Variants in PTPRG observed in about 807,000 individuals in gnomAD.
PTPRG encodes protein tyrosine phosphatase receptor type G.
PTPRG carries 102 observed loss-of-function variants against 165.3 expected under a neutral mutation model. The observed-to-expected ratio is 0.62, with a 90% CI of 0.53 to 0.73. The LOEUF (loss-of-function observed/expected upper bound fraction) is 0.73, where lower values mean the gene tolerates loss of function less well. Among genes scored for constraint, PTPRG ranks in the 30% least tolerant of loss-of-function variants. The pLI, the probability that PTPRG is intolerant of heterozygous loss-of-function variation, is 0.00. For missense variants in PTPRG, 1,866 were observed against 1,861.4 expected, an observed-to-expected ratio of 1.00 and a Z score of -0.05; for synonymous variants, 675 against 669.5, an observed-to-expected ratio of 1.01 and a Z score of -0.13.
chr3:61,969,759 G>A (rs918938151), intron 2 of PTPRG, among the ~76,000 whole-genome samples: 4 of 152,132 alleles, frequency 2.6e-5, no homozygotes, highest in African/African-American at 9.7e-5. Context: ...TGTCCAACCT[G>A]GGGAGCGAAT....
intron 1 of PTPRG, among the ~76,000 whole-genome samples, chr3:61,622,586 T>C (rs775509363): frequency 4.6e-5 from 7 of 152,238 alleles, no homozygotes; most frequent in African/African-American, 1.2e-4. Flanking sequence ...TTTACAAATC[T>C]TGTAAATTAC....
chr3:61,793,314 CTG>C (rs963613269), intron 2 of PTPRG, among the ~76,000 whole-genome samples: 25 of 152,166 alleles, frequency 1.6e-4, no homozygotes, highest in Non-Finnish European at 2.4e-4. Context: ...GGTTTCAAGA[CTG>C]GTTATGTGTC....
At chr3:61,608,651 C>T (rs140010132) in intron 1 of PTPRG, among the ~76,000 whole-genome samples, 12 of 152,278 alleles carry the variant, frequency 7.9e-5, no homozygotes, top group African/African-American at 2.9e-4. Flanking sequence ...TGGAAGCCTG[C>T]CTTTCCTTTG....
chr3:61,937,749 T>C lies in PTPRG; in HGVS notation c.191-51876T>C, dbSNP rs558195195. 7.2e-5 allele frequency among the ~76,000 whole-genome samples: 11 copies of C among 152,284 alleles called. No individual in the cohort carries two copies. The East Asian group carries it at 1.9e-3, about 27-fold the overall frequency. On this transcript the variant is annotated intron_variant, in intron 2 of 29. Coordinates refer to ENST00000474889, the MANE Select transcript of PTPRG (RefSeq NM_002841.4). ...AACAGGTGACGGCAAAAGGAGAACA[T>C]TGTGCTCATCAAACTGCTGTGCCAC...
intron 4 of PTPRG, among the ~76,000 whole-genome samples, chr3:62,074,178 A>AGAGT (rs1368362484): frequency 1.5e-5 from 1 of 64,926 alleles, no homozygotes; most frequent in Admixed American, 2.2e-4. Flanking sequence ...AAAAAAAGTG[A>AGAGT]GAGTGTGTGT....
intron 3 of PTPRG, among the ~76,000 whole-genome samples, chr3:61,998,285 A>G (rs910012204): frequency 2.6e-5 from 4 of 152,142 alleles, no homozygotes; most frequent in African/African-American, 9.7e-5. Context: ...TCTTTACATC[A>G]TGGGGAGCCC....
chr3:61,827,410 C>T (rs2036144962), intron 2 of PTPRG, among the ~76,000 whole-genome samples: 1 of 152,144 alleles, frequency 6.6e-6, no homozygotes, highest in Non-Finnish European at 1.5e-5. Flanking sequence ...TAATCACACC[C>T]CATCATACTA....
chr3:61,728,779 T>A (rs631533), intron 1 of PTPRG, among the ~76,000 whole-genome samples: 150,971 of 151,000 alleles, frequency 1, 75,471 homozygotes, highest in Middle Eastern at 1. Flanking sequence ...GCTCATGCCT[T>A]TAATTCCAAC....
chr3:62,282,916 T>C, intron 28 of PTPRG, 47 bp downstream of exon 28: 1 of 1,540,324 alleles, frequency 6.5e-7, no homozygotes, highest in Non-Finnish European at 8.8e-7. Flanking sequence ...TTTTTTTGTT[T>C]AATTTCTTGT....
intron 26 of PTPRG, among the ~76,000 whole-genome samples, chr3:62,279,220 C>CCTAA (rs1231616181): frequency 6.6e-6 from 1 of 152,014 alleles, no homozygotes; most frequent in Non-Finnish European, 1.5e-5. Flanking sequence ...GTCACTGCTT[C>CCTAA]CTAACTCACA....
At chr3:62,004,622 G>C (rs779656748) in intron 4 of PTPRG, among the ~76,000 whole-genome samples, 2 of 152,168 alleles carry the variant, frequency 1.3e-5, no homozygotes, top group Non-Finnish European at 2.9e-5. Context: ...TGCAGCACCC[G>C]ATTAAAGCCT....
At chr3:61,650,248 A>C (rs1406808021) in intron 1 of PTPRG, among the ~76,000 whole-genome samples, 1 of 152,224 alleles carries the variant, frequency 6.6e-6, no homozygotes, top group African/African-American at 2.4e-5. Context: ...AAGGAAGCCA[A>C]GGGTGGGGGC....
At chr3:61,882,515 T>A (rs557336709) in intron 2 of PTPRG, among the ~76,000 whole-genome samples, 1 of 152,348 alleles carries the variant, frequency 6.6e-6, no homozygotes, top group Admixed American at 6.5e-5. Context: ...GCAGAGTTAG[T>A]ATGAGGTACT....
intron 5 of PTPRG, among the ~76,000 whole-genome samples, chr3:62,119,913 C>T (rs1208161218): frequency 2.7e-5 from 4 of 150,892 alleles, no homozygotes; most frequent in African/African-American, 4.9e-5. Context: ...GAATTACAGG[C>T]GTGAGCCACC....
intron 2 of PTPRG, among the ~76,000 whole-genome samples, chr3:61,806,921 AAC>A (rs1230601682): frequency 1.3e-5 from 2 of 152,190 alleles, no homozygotes; most frequent in African/African-American, 2.4e-5. Flanking sequence ...TACAGGTGGA[AAC>A]ACAGCAGCAC....
chr3:62,073,413 AT>A (rs1701273495), intron 4 of PTPRG, among the ~76,000 whole-genome samples: 1 of 152,236 alleles, frequency 6.6e-6, no homozygotes, highest in Non-Finnish European at 1.5e-5. Flanking sequence ...CATGATCAAG[AT>A]AAATACCTCC....
chr3:62,141,737 T>TAA (rs35175964), intron 6 of PTPRG, among the ~76,000 whole-genome samples: 6 of 140,030 alleles, frequency 4.3e-5, no homozygotes, highest in African/African-American at 1.3e-4. Flanking sequence ...CTGTCTCTAC[T>TAA]AAAAAAAAAA....
chr3:62,261,510 G>A (rs1179248599), intron 16 of PTPRG, among the ~76,000 whole-genome samples: 1 of 151,882 alleles, frequency 6.6e-6, no homozygotes, highest in East Asian at 1.9e-4. Context: ...AGAATATATT[G>A]GAGTTTAGTA....
intron 2 of PTPRG, among the ~76,000 whole-genome samples, chr3:61,944,107 TTTGTTG>T (rs982305748): frequency 6.6e-6 from 1 of 152,136 alleles, no homozygotes; most frequent in Non-Finnish European, 1.5e-5. Context: ...GAGCTCATTT[TTTGTTG>T]TTGTTGTAGG....
Sources: gnomAD v4.1 joint callset for allele counts (sites outside exome capture counted in the v4.1 genomes callset) on GRCh38, gnomAD v4.1.1 for gene constraint, MANE v1.5 for transcripts, NCBI Gene and HGNC (gene_info 2026-07-23, HGNC 2026-07-21) for gene names.